TCF7L2: variants seen among roughly 807,000 people sequenced by gnomAD.
TCF7L2 encodes transcription factor 7-like 2.
TCF7L2 carries 23 observed loss-of-function variants against 77.9 expected under a neutral mutation model. That is an observed-to-expected ratio of 0.30 (90% CI 0.21 to 0.42). TCF7L2 has a LOEUF of 0.42. Among genes scored for constraint, TCF7L2 ranks in the 10% least tolerant of loss-of-function variants. The probability of loss-of-function intolerance (pLI) is 1.00; values close to 1 mark genes in which losing one functional copy is unlikely to be tolerated. For missense variants in TCF7L2, 654 were observed against 793.1 expected (o/e 0.82, Z 2.11); for synonymous variants, 413 against 340.2 (o/e 1.21, Z -2.36).
chr10:113,124,936 C>A (rs768151760), intron 5 of TCF7L2, among the ~76,000 whole-genome samples: 1 of 151,956 alleles, frequency 6.6e-6, no homozygotes, highest in Non-Finnish European at 1.5e-5. Flanking sequence ...GTATCAGAGG[C>A]TTTCGTTGAG....
At chr10:112,993,920 T>G (rs2043030017) in intron 4 of TCF7L2, among the ~76,000 whole-genome samples, 1 of 152,102 alleles carries the variant, frequency 6.6e-6, no homozygotes, top group Non-Finnish European at 1.5e-5. Context: ...CTGGGCGTGG[T>G]GGCGCATGCC....
chr10:113,033,723 C>T (rs372810242), intron 4 of TCF7L2, among the ~76,000 whole-genome samples: 13 of 152,320 alleles, frequency 8.5e-5, no homozygotes, highest in African/African-American at 2.4e-4. Flanking sequence ...AAGCCTCCGT[C>T]TTAGGCTTTC....
intron 12 of TCF7L2, 112 bp downstream of exon 14, chr10:113,160,104 C>G (rs2072892769): frequency 1.0e-6 from 1 of 954,728 alleles, no homozygotes; most frequent in Non-Finnish European, 1.6e-6. Flanking sequence ...TCAGGAGACA[C>G]AGGGGAGTGG....
chr10:113,108,733 C>T (rs1247942930), intron 5 of TCF7L2, among the ~76,000 whole-genome samples: 1 of 152,200 alleles, frequency 6.6e-6, no homozygotes, highest in Non-Finnish European at 1.5e-5. Flanking sequence ...CCCAGGACTG[C>T]CTGCCCTGGT....
chr10:113,023,409 C>G (rs952903493), intron 4 of TCF7L2, among the ~76,000 whole-genome samples: 1 of 152,118 alleles, frequency 6.6e-6, no homozygotes, highest in African/African-American at 2.4e-5. Context: ...AGGCAAAGCC[C>G]CTTTTCAAGG....
At chr10:113,039,895 T>TA in intron 4 of TCF7L2, 130 bp from the exon 5 acceptor site, 1 of 745,334 alleles carries the variant, frequency 1.3e-6, no homozygotes, top group South Asian at 2.0e-5. Context: ...TTTATTTTTT[T>TA]AATGATTATT....
intron 5 of TCF7L2, among the ~76,000 whole-genome samples, chr10:113,102,969 A>C (rs1421220467): frequency 1.3e-5 from 2 of 152,262 alleles, no homozygotes; most frequent in African/African-American, 4.8e-5. Context: ...TGTACTCAGC[A>C]CTTACTGTAT....
At chr10:112,963,069 T>C (rs571020133) in intron 3 of TCF7L2, among the ~76,000 whole-genome samples, 1 of 152,266 alleles carries the variant, frequency 6.6e-6, no homozygotes, top group East Asian at 1.9e-4. Flanking sequence ...ATATTCTGTT[T>C]GGGGCAAGCA....
At chr10:112,984,924 G>C (rs1340477967) in intron 4 of TCF7L2, among the ~76,000 whole-genome samples, 1 of 152,180 alleles carries the variant, frequency 6.6e-6, no homozygotes, top group Non-Finnish European at 1.5e-5. Context: ...TGGGATGATG[G>C]ATAAAACGCT....
intron 4 of TCF7L2, among the ~76,000 whole-genome samples, chr10:112,981,748 G>A (rs149954646): frequency 0.014 from 2,099 of 152,264 alleles, 24 homozygotes; most frequent in Admixed American, 0.022. Flanking sequence ...TTCTCTTATC[G>A]TTTCTTTCGC....
chr10:113,084,498 C>T lies in TCF7L2; in HGVS notation c.552+44372C>T, dbSNP rs12571590. Among the ~76,000 whole-genome samples the T allele has an allele frequency of 2.7e-3, 415 of 152,278 alleles. 11 individuals carry two copies. The East Asian group carries it at 0.068, about 25-fold the overall frequency. ...CCTGCTCACATCAAGGAGGACCATCCGCCTTACTCAGTGAATGTTAAACTT... is the reference window on the plus strand; with the variant it reads ...CCTGCTCACATCAAGGAGGACCATCTGCCTTACTCAGTGAATGTTAAACTT... On this transcript the variant is annotated intron_variant, in intron 5 of 13. Transcript: ENST00000627217.
chr10:113,095,418 C>T (rs924113474), intron 5 of TCF7L2, among the ~76,000 whole-genome samples: 3 of 152,186 alleles, frequency 2.0e-5, no homozygotes, highest in African/African-American at 7.2e-5. Flanking sequence ...CATTGTCTAT[C>T]TGCCAATATT....
chr10:113,131,706 G>A (rs892022325), intron 5 of TCF7L2, among the ~76,000 whole-genome samples: 1 of 152,214 alleles, frequency 6.6e-6, no homozygotes, highest in African/African-American at 2.4e-5. Context: ...AAGCAGCAGA[G>A]CCTGAAACCT....
chr10:113,073,375 A>G (rs1428675739), intron 5 of TCF7L2, among the ~76,000 whole-genome samples: 1 of 151,656 alleles, frequency 6.6e-6, no homozygotes. Flanking sequence ...CATGATCACC[A>G]AAGTGTTTGG....
chr10:113,150,582 C>T (rs2070540171), intron 8 of TCF7L2, among the ~76,000 whole-genome samples: 1 of 152,166 alleles, frequency 6.6e-6, no homozygotes, highest in Admixed American at 6.5e-5. Context: ...TTTTATTTAG[C>T]TGTCAATATA....
chr10:113,057,583 CAG>C (rs1183707641), intron 5 of TCF7L2, among the ~76,000 whole-genome samples: 3 of 152,262 alleles, frequency 2.0e-5, no homozygotes, highest in East Asian at 3.9e-4. Flanking sequence ...AAATAAGTAA[CAG>C]GGGAAAACAT....
At chr10:112,951,166 C>T (rs755196024) in intron 1 of TCF7L2, 41 bp from the exon 2 acceptor site, 1 of 1,520,070 alleles carries the variant, frequency 6.6e-7, no homozygotes, top group Non-Finnish European at 8.9e-7. Flanking sequence ...TTCTGCGTGG[C>T]GTTTGCCCCT....
chr10:113,096,137 A>G (rs2060943317), intron 5 of TCF7L2, among the ~76,000 whole-genome samples: 1 of 152,136 alleles, frequency 6.6e-6, no homozygotes. Flanking sequence ...TTCCCATATG[A>G]GAATATGCAG....
intron 4 of TCF7L2, among the ~76,000 whole-genome samples, chr10:112,983,942 A>T (rs2040990528): frequency 6.6e-6 from 1 of 152,200 alleles, no homozygotes; most frequent in Non-Finnish European, 1.5e-5. Context: ...CTTGTCCAGA[A>T]TGATTTATTC....
Sources: allele counts gnomAD v4.1 joint callset (sites outside exome capture counted in the v4.1 genomes callset), GRCh38; gene constraint gnomAD v4.1.1; transcripts MANE v1.5; gene names NCBI Gene and HGNC (gene_info 2026-07-23, HGNC 2026-07-21).